Variants in SLC10A6 observed in about 807,000 individuals in gnomAD.
SLC10A6 encodes the protein sodium-dependent organic anion transporter.
SLC10A6 carries 27 observed loss-of-function variants against 30.0 expected under a neutral mutation model. The ratio of observed to expected loss-of-function variants is 0.90; its 90% CI spans 0.66 to 1.24. The LOEUF (loss-of-function observed/expected upper bound fraction) is 1.24, where lower values mean the gene tolerates loss of function less well. SLC10A6 is among the 50% of genes most tolerant of loss of function. The pLI is 0.00. For missense variants in SLC10A6, 439 were observed against 457.0 expected (o/e 0.96, Z 0.36); for synonymous variants, 166 against 173.8 (o/e 0.95, Z 0.36).
chr4:86,845,448 A>T (rs1746377257), intron 1 of SLC10A6, among the ~76,000 whole-genome samples: 1 of 152,192 alleles, frequency 6.6e-6, no homozygotes, highest in Non-Finnish European at 1.5e-5. Flanking sequence ...AGGTGTTGAG[A>T]AGCCTTTGTA....
chr4:86,825,530 C>T lies in SLC10A6; in HGVS notation c.809G>A (p.Cys270Tyr), dbSNP rs1017159006. 5.6e-6 allele frequency: 9 copies of T among 1,612,048 alleles called. No homozygotes were observed. The highest frequency in any genetic ancestry group is 1.3e-5 in the African/African-American group (1 of 74,908). The stretch of plus-strand genomic sequence containing the variant: ...GAAAGATAACTGGAGCATGGTGATG[C>T]ACATCTGAATATTCTGAGCTCCAGT... ...LETGAQNIQM[C>Y]ITMLQLSFTA... The change falls in exon 5 of 6, where the codon TGC (cysteine) becomes TAC (tyrosine). Residue 270 changes from cysteine to tyrosine, a missense_variant. Transcript: ENST00000273905.
At chr4:86,846,227 A>C (rs1169835840) in intron 1 of SLC10A6, among the ~76,000 whole-genome samples, 3 of 152,170 alleles carry the variant, frequency 2.0e-5, no homozygotes, top group African/African-American at 7.2e-5. Context: ...CTGAAAATTG[A>C]TTTTATTACT....
intron 1 of SLC10A6, among the ~76,000 whole-genome samples, chr4:86,838,422 G>A (rs374077624): frequency 3.0e-4 from 46 of 152,260 alleles, no homozygotes; most frequent in African/African-American, 1.0e-3. Flanking sequence ...GGAAGAGCTC[G>A]TTAAATACTT....
chr4:86,833,832 C>G (rs182438697), intron 1 of SLC10A6, among the ~76,000 whole-genome samples: 12 of 152,204 alleles, frequency 7.9e-5, no homozygotes, highest in African/African-American at 2.9e-4. Context: ...TTTCATCACC[C>G]CAGAAAGAAA....
At chr4:86,831,425 C>A (rs996341882) in intron 3 of SLC10A6, among the ~76,000 whole-genome samples, 2 of 152,226 alleles carry the variant, frequency 1.3e-5, no homozygotes, top group Non-Finnish European at 2.9e-5. Context: ...TTACTAAACA[C>A]TGGGGTTCCC....
chr4:86,848,996 C>T lies in SLC10A6; in HGVS notation c.120G>A (p.Val40=). ...LELVFTVVST[V]MMGLLMFSLG... Reference sequence around the variant, plus strand: ...AAGAGAACATGAGCAGCCCCATCATCACAGTGGACACCACTGTGAAAACGA... The same window carrying T: ...AAGAGAACATGAGCAGCCCCATCATTACAGTGGACACCACTGTGAAAACGA... Residue 40 remains valine (V), a synonymous_variant, in exon 1 of 6, where the codon GTG becomes GTA. Coordinates refer to ENST00000273905, the MANE Select transcript of SLC10A6 (RefSeq NM_197965.3). 6.2e-7 allele frequency: 1 copy of T among 1,614,204 alleles called. No homozygotes were observed. The highest frequency in any genetic ancestry group is 8.5e-7 in the Non-Finnish European group (1 of 1,180,038).
rs1018054283 is a variant in SLC10A6 at position 86,831,984 on chromosome 4, T to G, written c.497-104A>C. ...ATTAGGTAACAGCTTTAAACTGACA[T>G]TTTCCCATGCCACTTCCCAAGTCTG... On this transcript the variant is annotated intron_variant, in intron 2 of 5. Coordinates refer to ENST00000273905, the MANE Select transcript of SLC10A6 (RefSeq NM_197965.3). The G allele has an allele frequency of 2.1e-5, 19 of 901,346 alleles. No individual in the cohort carries two copies. The East Asian group carries it at 4.8e-4, about 23-fold the overall frequency. 55.8% of individuals were successfully genotyped at this position (901,346 alleles called of 1,614,324 possible). A position where few individuals can be genotyped will look rare whatever the true frequency, so the allele number is the denominator to read the frequency against.
At chr4:86,834,806 G>C (rs143769975) in intron 1 of SLC10A6, among the ~76,000 whole-genome samples, 2 of 152,266 alleles carry the variant, frequency 1.3e-5, no homozygotes, top group East Asian at 3.9e-4. Flanking sequence ...TGTGCTCCTG[G>C]TAAGGACCTC....
chr4:86,825,476 C>T lies in SLC10A6; in HGVS notation c.863G>A (p.Ser288Asn). 6.2e-7 allele frequency: 1 copy of T among 1,612,562 alleles called. No individual in the cohort carries two copies. The change falls in exon 5 of 6, where the codon AGT becomes AAT. Residue 288 changes from serine (S) to asparagine (N), a missense_variant. Physicochemically the swap from Ser to Asn is conservative, Grantham distance 46. Transcript: ENST00000273905. The part of the protein sequence containing the change: ...FTAEHLVQML[S>N]FPLAYGLFQL... ...GAAGAGTCCATAGGCCAGTGGGAAA[C>T]TCAACATCTGGACCAAGTGCTCAGC...
intron 1 of SLC10A6, among the ~76,000 whole-genome samples, chr4:86,846,753 GTGTT>G (rs1746398654): frequency 1.3e-5 from 2 of 152,110 alleles, no homozygotes; most frequent in Non-Finnish European, 2.9e-5. Flanking sequence ...ATGTGTGTGT[GTGTT>G]TGAGTGTGTG....
chr4:86,826,043 A>G (rs1231827818), intron 4 of SLC10A6, among the ~76,000 whole-genome samples: 2 of 152,176 alleles, frequency 1.3e-5, no homozygotes, highest in African/African-American at 2.4e-5. Flanking sequence ...CTGTAAGCCA[A>G]TCTGCAGAGA....
At chr4:86,840,729 A>T (rs954086750) in intron 1 of SLC10A6, among the ~76,000 whole-genome samples, 1 of 152,176 alleles carries the variant, frequency 6.6e-6, no homozygotes, top group African/African-American at 2.4e-5. Flanking sequence ...TTTTCTGGAA[A>T]TTCTCTTCTA....
rs1746324838 is a variant in SLC10A6 at position 86,842,854 on chromosome 4, CTTT to C, written c.377+5882_377+5884del. On this transcript the variant is annotated intron_variant, in intron 1 of 5. Transcript: ENST00000273905. The stretch of plus-strand genomic sequence containing the variant: ...TCTTTCTTTCTTTCTTTCTTTCTTT[CTTT>C]CTTTCTTTCTTTCTTTCTTTTTTTT... Among the ~76,000 whole-genome samples, 10 of 32,564 alleles carry C rather than the reference CTTT, an allele frequency of 3.1e-4. No individual in the cohort carries two copies. The East Asian group carries it at 4.4e-3, about 14-fold the overall frequency. 21.4% of individuals were successfully genotyped at this position (32,564 alleles called of 152,430 possible). A position where few individuals can be genotyped will look rare whatever the true frequency, so the allele number is the denominator to read the frequency against.
intron 1 of SLC10A6, among the ~76,000 whole-genome samples, chr4:86,843,249 C>G (rs1447065589): frequency 6.6e-6 from 1 of 151,952 alleles, no homozygotes; most frequent in Non-Finnish European, 1.5e-5. Context: ...TCATGTTTAC[C>G]GAGTGCCTAC....
At position 86,848,994 on chromosome 4, in the gene SLC10A6, A is replaced by G. The variant is rs1746439022; in HGVS notation, c.122T>C (p.Met41Thr). ...CAAAGAGAACATGAGCAGCCCCATC[A>G]TCACAGTGGACACCACTGTGAAAAC... ...ELVFTVVSTV[M>T]MGLLMFSLGC... Residue 41 changes from methionine (M) to threonine (T), a missense_variant, in exon 1 of 6, where the codon ATG (methionine) becomes ACG (threonine). Met to Thr is a moderately conservative substitution (Grantham distance 81). Coordinates refer to ENST00000273905, the MANE Select transcript of SLC10A6 (RefSeq NM_197965.3). The G allele has an allele frequency of 1.9e-6, 3 of 1,614,072 alleles. No homozygotes were observed. In the South Asian group the frequency reaches 3.3e-5, roughly 18 times the overall value.
At chr4:86,831,907 G>C (rs370547138) in intron 2 of SLC10A6, 27 bp from the exon 3 acceptor site, 108 of 1,585,372 alleles carry the variant, frequency 6.8e-5, no homozygotes, top group Non-Finnish European at 8.8e-5. Flanking sequence ...TCCATGAGAG[G>C]GTTTTCCCTC....
rs1746366631 is a variant in SLC10A6 at position 86,844,838 on chromosome 4, G to A, written c.377+3901C>T. On this transcript the variant is annotated intron_variant, in intron 1 of 5. Transcript: ENST00000273905. Reference sequence around the variant, plus strand: ...ACTTACAAACATGGCAGAAGGTGAAGGGGAAGCAAGGACCTTCTTCACAAG... The same window carrying A: ...ACTTACAAACATGGCAGAAGGTGAAAGGGAAGCAAGGACCTTCTTCACAAG... Among the ~76,000 whole-genome samples, 5 of 152,336 alleles carry A rather than the reference G, an allele frequency of 3.3e-5. No homozygotes were observed. The South Asian group carries it at 1.0e-3, about 32-fold the overall frequency.
chr4:86,830,131 C>A (rs1440778297), intron 3 of SLC10A6, among the ~76,000 whole-genome samples: 1 of 152,202 alleles, frequency 6.6e-6, no homozygotes, highest in African/African-American at 2.4e-5. Flanking sequence ...CACAGTGGCT[C>A]ATGCCTGTGA....
chr4:86,837,511 A>G, intron 1 of SLC10A6: 1 of 756,382 alleles, frequency 1.3e-6, no homozygotes, highest in Non-Finnish European at 1.6e-6. Context: ...AAGCTCCCAA[A>G]TGAAGGCTAA....
Sources: gnomAD v4.1 joint callset for allele counts (sites outside exome capture counted in the v4.1 genomes callset) on GRCh38, gnomAD v4.1.1 for gene constraint, MANE v1.5 for transcripts, NCBI Gene and HGNC (gene_info 2026-07-23, HGNC 2026-07-21) for gene names.